Variants in FREM2 observed in about 807,000 individuals in gnomAD.
The protein encoded by FREM2 is FRAS1 related extracellular matrix 2.
Under a neutral mutation model 219.9 loss-of-function variants are expected in FREM2, and 119 were observed. That is an observed-to-expected ratio of 0.54 (90% CI 0.47 to 0.63). The LOEUF is 0.63. Ranked by LOEUF, FREM2 falls within the 30% of genes least tolerant of loss-of-function variation. The pLI, the probability that FREM2 is intolerant of heterozygous loss-of-function variation, is 0.00. For missense variants in FREM2, 4,030 were observed against 3,993.6 expected (o/e 1.01, Z -0.25); for synonymous variants, 1,562 against 1,522.8 (o/e 1.03, Z -0.60).
chr13:38,876,614 T>A (rs1210325775), intron 20 of FREM2, among the ~76,000 whole-genome samples: 1 of 152,206 alleles, frequency 6.6e-6, no homozygotes, highest in South Asian at 2.1e-4. Context: ...GCAATGGTTA[T>A]TTTTTTCTTA....
At chr13:38,850,485 A>G (rs1480632351) in intron 9 of FREM2, among the ~76,000 whole-genome samples, 7 of 152,336 alleles carry the variant, frequency 4.6e-5, no homozygotes, top group Middle Eastern at 3.4e-3. Context: ...GGACAAAAGC[A>G]TATCAAATGT....
At position 38,818,891 on chromosome 13, in the gene FREM2, C is replaced by CA. The variant is rs890126892; in HGVS notation, c.6020-27672dup. Among the ~76,000 whole-genome samples the CA allele has an allele frequency of 1.4e-3, 207 of 145,858 alleles. 1 individual carries two copies. The highest frequency in any genetic ancestry group is 3.8e-3 in the African/African-American group (151 of 39,796). The stretch of plus-strand genomic sequence containing the variant: ...TGGGCAACAGAGCAAGCCTCCGTCT[C>CA]AAAAAAAAAATGCTAGAAGAAAGGC... On this transcript the variant is annotated intron_variant, in intron 6 of 23. Transcript: ENST00000280481.
chr13:38,687,477 C>T lies in FREM2; in HGVS notation c.133C>T (p.Pro45Ser). 1 of 1,591,262 alleles carries T rather than the reference C, an allele frequency of 6.3e-7. No individual in the cohort carries two copies. Among genetic ancestry groups the T allele is most frequent in the Non-Finnish European group, 8.6e-7 (1 of 1,169,560 alleles). ...LLLLSLVSRV[P>S]AQPAAFGRAL... ...TCTCCTGTCACTGGTAAGCCGCGTC[C>T]CGGCACAGCCCGCTGCCTTCGGCAG... The change falls in exon 1 of 24, where the codon CCG (proline) becomes TCG (serine). Residue 45 changes from proline (P) to serine (S), a missense_variant. Transcript: ENST00000280481.
intron 22 of FREM2, 34 bp from the exon 23 acceptor site, chr13:38,878,797 C>A: frequency 6.2e-7 from 1 of 1,609,750 alleles, no homozygotes; most frequent in Non-Finnish European, 8.5e-7. Context: ...GTGGCATTAT[C>A]TACAGCAATC....
rs1286883173 is a variant in FREM2, at chr13:38,688,144, G to T, written c.800G>T (p.Arg267Leu). ...KAFQELGVRY[R>L]HTAASRSPNR... ...TTCCAGGAACTAGGCGTGCGCTATC[G>T]CCACACAGCCGCCAGTCGCTCACCA... Residue 267 changes from arginine (R) to leucine (L), a missense_variant, in exon 1 of 24, where the codon CGC (arginine) becomes CTC (leucine). This residue lies in a region of FREM2 where 3,102 missense variants were observed against 2,950.7 expected (regional missense o/e 1.05). Transcript: ENST00000280481. 6.2e-7 allele frequency: 1 copy of T among 1,613,326 alleles called. No individual in the cohort carries two copies. The highest frequency in any genetic ancestry group is 2.2e-5 in the East Asian group (1 of 44,852).
At chr13:38,786,714 A>G (rs942357464) in intron 6 of FREM2, among the ~76,000 whole-genome samples, 1 of 152,178 alleles carries the variant, frequency 6.6e-6, no homozygotes, top group Admixed American at 6.5e-5. Flanking sequence ...ATGGATTGCT[A>G]TGGGATGCAC....
At chr13:38,807,454 C>T (rs1217447061) in intron 6 of FREM2, among the ~76,000 whole-genome samples, 1 of 150,974 alleles carries the variant, frequency 6.6e-6, no homozygotes, top group Non-Finnish European at 1.5e-5. Context: ...CTTACTTTGA[C>T]CAGATCTATC....
intron 2 of FREM2, among the ~76,000 whole-genome samples, chr13:38,722,909 T>C (rs749592329): frequency 3.3e-5 from 5 of 152,120 alleles, no homozygotes; most frequent in South Asian, 4.2e-4. Flanking sequence ...GGTCAAAGTG[T>C]TGAATATTTA....
intron 6 of FREM2, among the ~76,000 whole-genome samples, chr13:38,792,095 C>T (rs1236155736): frequency 6.6e-6 from 1 of 152,122 alleles, no homozygotes; most frequent in Non-Finnish European, 1.5e-5. Flanking sequence ...GCCTGTAACC[C>T]CAGCACTTTG....
chr13:38,776,780 C>T (rs1473663937), intron 4 of FREM2, among the ~76,000 whole-genome samples: 1 of 147,864 alleles, frequency 6.8e-6, no homozygotes, highest in Non-Finnish European at 1.5e-5. Flanking sequence ...TCTAAAACTG[C>T]TAAAAAGAAA....
chr13:38,877,346 A>G, intron 21 of FREM2, 103 bp downstream of exon 21: 2 of 1,316,454 alleles, frequency 1.5e-6, no homozygotes, highest in South Asian at 2.4e-5. Flanking sequence ...AGCTTTTTTT[A>G]TGGTTTTGAG....
At chr13:38,736,544 C>G (rs904118467) in intron 2 of FREM2, among the ~76,000 whole-genome samples, 13 of 152,292 alleles carry the variant, frequency 8.5e-5, no homozygotes, top group African/African-American at 2.9e-4. Flanking sequence ...TTTTTACACA[C>G]AAATGTTTAT....
chr13:38,769,433 C>G (rs1194085245), intron 3 of FREM2, 145 bp from the exon 4 acceptor site: 1 of 721,750 alleles, frequency 1.4e-6, no homozygotes, highest in Admixed American at 2.1e-5. Flanking sequence ...ATCATCAGAC[C>G]CATTCCCAAT....
chr13:38,862,721 G>T (rs1877807270), intron 15 of FREM2, among the ~76,000 whole-genome samples: 1 of 152,154 alleles, frequency 6.6e-6, no homozygotes, highest in Non-Finnish European at 1.5e-5. Flanking sequence ...ACTATGTCCT[G>T]TGGCCAAATA....
At chr13:38,783,283 G>A (rs1593405224) in intron 5 of FREM2, 88 bp downstream of exon 5, 1 of 1,340,042 alleles carries the variant, frequency 7.5e-7, no homozygotes, top group Non-Finnish European at 1.1e-6. Context: ...ATTTTACCAT[G>A]AGGGGTATAC....
intron 2 of FREM2, among the ~76,000 whole-genome samples, chr13:38,753,062 T>C (rs1479010479): frequency 1.3e-5 from 2 of 152,140 alleles, no homozygotes; most frequent in Non-Finnish European, 2.9e-5. Context: ...GCACCAGGTG[T>C]TTTGTTTTGT....
At chr13:38,801,580 A>G (rs1875009668) in intron 6 of FREM2, among the ~76,000 whole-genome samples, 1 of 152,096 alleles carries the variant, frequency 6.6e-6, no homozygotes, top group Non-Finnish European at 1.5e-5. Context: ...TAATATTCAT[A>G]TGATTTTATT....
chr13:38,778,835 A>G (rs1051175741), intron 4 of FREM2, among the ~76,000 whole-genome samples: 17 of 152,284 alleles, frequency 1.1e-4, no homozygotes, highest in Non-Finnish European at 2.2e-4. Flanking sequence ...ACTTTCTGTA[A>G]TATTTCATAC....
intron 2 of FREM2, among the ~76,000 whole-genome samples, chr13:38,734,300 A>G (rs988061416): frequency 1.3e-5 from 2 of 152,228 alleles, no homozygotes; most frequent in African/African-American, 4.8e-5. Flanking sequence ...TTCCACATAC[A>G]TTTTGAGCCT....
Sources: gnomAD v4.1 joint callset for allele counts (sites outside exome capture counted in the v4.1 genomes callset) on GRCh38, gnomAD v4.1.1 for gene constraint, gnomAD v4.1.1 regional missense constraint, MANE v1.5 for transcripts, NCBI Gene and HGNC (gene_info 2026-07-23, HGNC 2026-07-21) for gene names.